SYN3: variants seen among roughly 807,000 people sequenced by gnomAD.
SYN3 encodes the protein synapsin-3.
Under a neutral mutation model 65.8 loss-of-function variants are expected in SYN3, and 35 were observed. The ratio of observed to expected loss-of-function variants is 0.53; its 90% confidence interval spans 0.41 to 0.70. The LOEUF is 0.70. SYN3 is among the 30% of genes least tolerant of loss of function. The pLI is 0.00. For synonymous variants in SYN3, 270 were observed against 292.9 expected (o/e 0.92, Z 0.80); for missense variants, 680 against 749.0 (o/e 0.91, Z 1.08).
intron 6 of SYN3, among the ~76,000 whole-genome samples, chr22:32,599,575 C>A (rs2059252440): frequency 6.6e-6 from 1 of 152,124 alleles, no homozygotes; most frequent in South Asian, 2.1e-4. Context: ...CCCGCCTCAG[C>A]CTCCCAAAGT....
At chr22:32,740,057 A>G (rs1267939891) in intron 6 of SYN3, among the ~76,000 whole-genome samples, 2 of 152,258 alleles carry the variant, frequency 1.3e-5, no homozygotes, top group African/African-American at 2.4e-5. Flanking sequence ...ACATCATATA[A>G]GGAAATGCTG....
At chr22:32,579,779 G>A (rs1015599804) in intron 7 of SYN3, among the ~76,000 whole-genome samples, 1 of 152,154 alleles carries the variant, frequency 6.6e-6, no homozygotes, top group Non-Finnish European at 1.5e-5. Flanking sequence ...GGGTTTGATG[G>A]ACTGTTTGGG....
intron 4 of SYN3, among the ~76,000 whole-genome samples, chr22:32,869,846 A>G (rs1374590186): frequency 6.6e-6 from 1 of 152,054 alleles, no homozygotes; most frequent in East Asian, 1.9e-4. Context: ...GATCTGGACC[A>G]TCTCCCCATT....
intron 6 of SYN3, among the ~76,000 whole-genome samples, chr22:32,727,101 G>A (rs1443630100): frequency 6.6e-6 from 1 of 151,946 alleles, no homozygotes; most frequent in African/African-American, 2.4e-5. Flanking sequence ...ATTAAGCCCA[G>A]CATCCATTAG....
chr22:32,942,616 G>C (rs1328477854), intron 3 of SYN3, among the ~76,000 whole-genome samples: 1 of 152,222 alleles, frequency 6.6e-6, no homozygotes, highest in Non-Finnish European at 1.5e-5. Context: ...GACGAGTTGA[G>C]TGAAGAAGGC....
At chr22:32,776,692 T>C (rs1022921638) in intron 6 of SYN3, among the ~76,000 whole-genome samples, 2 of 152,214 alleles carry the variant, frequency 1.3e-5, no homozygotes, top group African/African-American at 4.8e-5. Context: ...CCCTCTGCAC[T>C]ACCCTAAGTG....
intron 6 of SYN3, among the ~76,000 whole-genome samples, chr22:32,624,898 T>C (rs917836897): frequency 6.6e-6 from 1 of 152,334 alleles, no homozygotes; most frequent in East Asian, 1.9e-4. Flanking sequence ...AGAAAGAGGA[T>C]GTCACTTGCT....
In SYN3 at chr22:33,006,683, G is replaced by T; in HGVS notation, c.-21C>A. 1 of 1,556,954 alleles carries T rather than the reference G, an allele frequency of 6.4e-7. No individual in the cohort carries two copies. Among genetic ancestry groups the T allele is most frequent in the South Asian group, 1.2e-5 (1 of 80,956 alleles). The stretch of plus-strand genomic sequence containing the variant: ...TTCATGGCTGTGGATGGATGGAGAT[G>T]ACTGGCTCCTACCCAGACGTGTGTA... On this transcript the variant is annotated 5_prime_UTR_variant, in exon 2 of 14. Transcript: ENST00000358763.
intron 6 of SYN3, chr22:32,857,343 AC>A: frequency 6.2e-7 from 1 of 1,614,014 alleles, no homozygotes; most frequent in African/African-American, 1.3e-5. Context: ...GTCAACAAGT[AC>A]CAGTACCTGC....
At position 32,801,671 on chromosome 22, in the gene SYN3, G is replaced by A. The variant is rs2046583145; in HGVS notation, c.711+63244C>T. ...CCGAGGCGGGGTCCCCGGGGGCCCA[G>A]CGCTATATCACTCGGCCGCCCAGGC... On this transcript the variant is annotated intron_variant, in intron 6 of 13. Transcript: ENST00000358763. This position sits in a 1 kb window ranked among gnomAD's most constrained non-coding sequence, Gnocchi z 4.7. 2 of 169,600 alleles carry A rather than the reference G, an allele frequency of 1.2e-5. No individual in the cohort carries two copies. The highest frequency in any genetic ancestry group is 2.5e-5 in the Non-Finnish European group (2 of 80,802). The allele number at this position is 169,600 out of a possible 1,614,324, so 10.5% of individuals were successfully genotyped here.
intron 6 of SYN3, among the ~76,000 whole-genome samples, chr22:32,677,710 A>C (rs1373166607): frequency 6.6e-6 from 1 of 152,070 alleles, no homozygotes; most frequent in Non-Finnish European, 1.5e-5. Flanking sequence ...CTGAGGCAGG[A>C]GAATGGCATG....
intron 13 of SYN3, 56 bp from the exon 14 acceptor site, chr22:32,513,880 T>C: frequency 6.2e-7 from 1 of 1,607,272 alleles, no homozygotes; most frequent in Non-Finnish European, 8.5e-7. Flanking sequence ...ATCAAAGAAA[T>C]GGGTCTTGGG....
At chr22:32,655,327 A>G (rs372093808) in intron 6 of SYN3, among the ~76,000 whole-genome samples, 1,953 of 152,288 alleles carry the variant, frequency 0.013, 42 homozygotes, top group South Asian at 0.056. Context: ...ATACATTTCT[A>G]TTCTTTATAA....
rs2047758838 is a variant in SYN3 at position 32,837,262 on chromosome 22, T to C, written c.711+27653A>G. Among the ~76,000 whole-genome samples the C allele has an allele frequency of 6.6e-6, 1 of 152,156 alleles. No homozygotes were observed. Among genetic ancestry groups the C allele is most frequent in the African/African-American group, 2.4e-5 (1 of 41,456 alleles). The stretch of plus-strand genomic sequence containing the variant: ...ACCATGCTGCTATTCTGGTGGCCAC[T>C]TGTGTGGGATAAAGTTTCCCATGGG... On this transcript the variant is annotated intron_variant, in intron 6 of 13. Coordinates refer to ENST00000358763, the MANE Select transcript of SYN3 (RefSeq NM_003490.4). This position sits in a 1 kb window ranked among gnomAD's most constrained non-coding sequence, Gnocchi z 4.1.
chr22:32,947,130 C>T (rs1386957545), intron 3 of SYN3, among the ~76,000 whole-genome samples: 1 of 152,138 alleles, frequency 6.6e-6, no homozygotes, highest in Non-Finnish European at 1.5e-5. Flanking sequence ...CAGTGTATGG[C>T]CTTAAGCAAA....
At chr22:33,021,784 A>AT (rs57313381) in intron 1 of SYN3, among the ~76,000 whole-genome samples, 12,872 of 141,496 alleles carry the variant, frequency 0.091, 834 homozygotes, top group East Asian at 0.32. Flanking sequence ...ACTGTAACTT[A>AT]TTTTTTTTTT....
rs2057699400 is a variant in SYN3, at chr22:32,512,283, T to C, written c.*1409A>G. On this transcript the variant is annotated 3_prime_UTR_variant, in exon 14 of 14. Transcript: ENST00000358763. Reference sequence around the variant, plus strand: ...TTTACCTCCCTCTCTCCCTTCCCTGTGGACAGCAAAAGGAAGACATGTCTC... The same window carrying C: ...TTTACCTCCCTCTCTCCCTTCCCTGCGGACAGCAAAAGGAAGACATGTCTC... 6.6e-6 allele frequency among the ~76,000 whole-genome samples: 1 copy of C among 152,224 alleles called. No homozygotes were observed. Among genetic ancestry groups the C allele is most frequent in the Admixed American group, 6.5e-5 (1 of 15,284 alleles).
intron 6 of SYN3, among the ~76,000 whole-genome samples, chr22:32,693,088 T>TAC (rs1263010350): frequency 6.6e-6 from 1 of 152,134 alleles, no homozygotes; most frequent in Non-Finnish European, 1.5e-5. Context: ...TATATATATA[T>TAC]ACTATGTTTT....
chr22:33,033,372 C>A (rs907431297), intron 1 of SYN3, among the ~76,000 whole-genome samples: 7 of 152,140 alleles, frequency 4.6e-5, no homozygotes, highest in African/African-American at 1.7e-4. Context: ...CCGGCTGTTC[C>A]CCTGCCTGGA....
Sources: allele counts gnomAD v4.1 joint callset (sites outside exome capture counted in the v4.1 genomes callset), GRCh38; gene constraint gnomAD v4.1.1; non-coding constraint Gnocchi (gnomAD v3.1); transcripts MANE v1.5; gene names NCBI Gene and HGNC (gene_info 2026-07-23, HGNC 2026-07-21).